Variants in CCDC13 observed in about 807,000 individuals in gnomAD.
CCDC13 encodes the protein coiled-coil domain containing 13, also known as coiled-coil domain-containing protein 13.
CCDC13 carries 70 observed loss-of-function variants against 87.3 expected under a neutral mutation model. The observed-to-expected ratio is 0.80, with a 90% CI of 0.66 to 0.98. The LOEUF is 0.98. CCDC13 is among the 50% of genes least tolerant of loss of function. The pLI, the probability that CCDC13 is intolerant of heterozygous loss-of-function variation, is 0.00. For missense variants in CCDC13, 842 were observed against 892.0 expected (o/e 0.94, Z 0.71); for synonymous variants, 317 against 360.3 (o/e 0.88, Z 1.36).
intron 14 of CCDC13, among the ~76,000 whole-genome samples, chr3:42,712,398 G>A (rs954141776): frequency 1.3e-5 from 2 of 152,084 alleles, no homozygotes; most frequent in African/African-American, 4.8e-5. Flanking sequence ...CCTCCAGCTC[G>A]CCCCAGCCCC....
chr3:42,716,338 T>C (rs17074768), intron 13 of CCDC13, among the ~76,000 whole-genome samples: 2,633 of 152,102 alleles, frequency 0.017, 74 homozygotes, highest in African/African-American at 0.059. Flanking sequence ...TTCCACAATA[T>C]AGAAGAAATA....
At chr3:42,757,967 G>A (rs75030962) in intron 2 of CCDC13, among the ~76,000 whole-genome samples, 158 bp downstream of exon 2, 2,350 of 152,034 alleles carry the variant, frequency 0.015, 40 homozygotes, top group African/African-American at 0.053. Context: ...CACAGAAGCT[G>A]TATCAAAACT....
rs1461483819 is a variant in CCDC13 at position 42,758,097 on chromosome 3, C to A, written c.221+28G>T. 2 of 1,222,044 alleles carry A rather than the reference C, an allele frequency of 1.6e-6. No homozygotes were observed. The highest frequency in any genetic ancestry group is 1.3e-5 in the South Asian group (1 of 78,722). 75.7% of individuals were successfully genotyped at this position (1,222,044 alleles called of 1,614,324 possible). On this transcript the variant is annotated intron_variant, in intron 2 of 15. Coordinates refer to ENST00000310232, the MANE Select transcript of CCDC13 (RefSeq NM_144719.4). The stretch of plus-strand genomic sequence containing the variant: ...CACACACACACACACACACACACAC[C>A]CCTGAGAGATTTCAAACTTGCATTT...
At chr3:42,732,445 A>G in intron 12 of CCDC13, 1 of 179,362 alleles carries the variant, frequency 5.6e-6, no homozygotes, top group South Asian at 1.2e-4. Flanking sequence ...TCCTTTGTCT[A>G]TGGGCTGGCA....
intron 13 of CCDC13, among the ~76,000 whole-genome samples, chr3:42,721,724 G>A (rs1386750435): frequency 1.3e-5 from 2 of 152,322 alleles, no homozygotes; most frequent in African/African-American, 4.8e-5. Flanking sequence ...TTTGCAACAG[G>A]ACACAATTGG....
chr3:42,758,085 A>ACACACACACC (rs1385483095), intron 2 of CCDC13, 40 bp downstream of exon 2: 1 of 1,541,540 alleles, frequency 6.5e-7, no homozygotes, highest in Non-Finnish European at 8.9e-7. Context: ...ACACACACAC[A>ACACACACACC]CACACACACA....
chr3:42,750,421 G>A (rs555183757), intron 5 of CCDC13, among the ~76,000 whole-genome samples: 6 of 152,192 alleles, frequency 3.9e-5, no homozygotes, highest in South Asian at 4.2e-4. Flanking sequence ...TCCTCCTCTG[G>A]GATTCTCCAT....
intron 13 of CCDC13, among the ~76,000 whole-genome samples, chr3:42,717,165 C>T (rs532523054): frequency 3.1e-4 from 47 of 152,278 alleles, no homozygotes; most frequent in African/African-American, 1.0e-3. Flanking sequence ...GTGGCTCATG[C>T]ATGTAATCCC....
intron 13 of CCDC13, among the ~76,000 whole-genome samples, chr3:42,722,433 C>T (rs1698585366): frequency 6.6e-6 from 1 of 152,176 alleles, no homozygotes; most frequent in Admixed American, 6.5e-5. Context: ...GGCTGCATTC[C>T]CAGATGGTTA....
At chr3:42,718,804 C>A (rs1019814044) in intron 13 of CCDC13, among the ~76,000 whole-genome samples, 2 of 152,062 alleles carry the variant, frequency 1.3e-5, no homozygotes, top group Non-Finnish European at 2.9e-5. Flanking sequence ...CTGAGGAGAA[C>A]CCCCCAACCC....
chr3:42,738,895 CTTTA>C (rs1009500487), intron 9 of CCDC13, among the ~76,000 whole-genome samples: 1 of 152,150 alleles, frequency 6.6e-6, no homozygotes, highest in Non-Finnish European at 1.5e-5. Flanking sequence ...TTTGAATACC[CTTTA>C]TTTCTTTCTC....
chr3:42,758,957 G>A (rs900265023), intron 1 of CCDC13, among the ~76,000 whole-genome samples: 1 of 151,964 alleles, frequency 6.6e-6, no homozygotes, highest in African/African-American at 2.4e-5. Flanking sequence ...TATTCTGACC[G>A]CTACCACCTA....
At chr3:42,730,130 A>G (rs1173268154) in intron 13 of CCDC13, among the ~76,000 whole-genome samples, 1 of 152,140 alleles carries the variant, frequency 6.6e-6, no homozygotes, top group Non-Finnish European at 1.5e-5. Flanking sequence ...CAGCAGCACC[A>G]AGCACAGTGC....
Position 42,708,867 on chromosome 3 carries a change from T to G in CCDC13, c.*113A>C. The stretch of plus-strand genomic sequence containing the variant: ...AGGAGCCTCTTCTGGTAGAAGTGGT[T>G]GAGCTGGCTGCCCTGGGCTGGCTTC... On this transcript the variant is annotated 3_prime_UTR_variant, in exon 16 of 16. Coordinates refer to ENST00000310232, the MANE Select transcript of CCDC13 (RefSeq NM_144719.4). The G allele has an allele frequency of 8.0e-6, 9 of 1,129,274 alleles. No individual in the cohort carries two copies. The highest frequency in any genetic ancestry group is 8.6e-6 in the Non-Finnish European group (7 of 814,270). The allele number at this position is 1,129,274 out of a possible 1,614,324, so 70.0% of individuals were successfully genotyped here.
intron 5 of CCDC13, 120 bp from the exon 6 acceptor site, chr3:42,747,493 C>T (rs1006767418): frequency 1.2e-5 from 9 of 730,782 alleles, no homozygotes; most frequent in Admixed American, 2.2e-5. Flanking sequence ...CATGGAAGAA[C>T]TCATTTAATC....
rs1280333490 is a variant in CCDC13 at position 42,732,891 on chromosome 3, G to T, written c.1591C>A (p.Pro531Thr). The T allele has an allele frequency of 8.4e-6, 13 of 1,552,732 alleles. No individual in the cohort carries two copies. The highest frequency in any genetic ancestry group is 1.1e-5 in the Non-Finnish European group (13 of 1,147,464). ...PSLPSPHRTS[P>T]RFSDSPEQKG... ...CCGGGGGTCGGGGGTCCATACCTAG[G>T]TGAGGTCCTGTGGGGACTGGGCAGG... The change falls in exon 12 of 16, where the codon CCT becomes ACT. Residue 531 changes from proline (P) to threonine (T), a missense_variant. By Grantham distance (38) the Pro-to-Thr change is conservative. Transcript: ENST00000310232.
Position 42,757,219 on chromosome 3 carries a change from A to G in CCDC13, c.222-5T>C, listed in dbSNP as rs1699723890. On this transcript the variant is annotated splice_polypyrimidine_tract_variant and splice_region_variant and intron_variant, in intron 2 of 15. Coordinates refer to ENST00000310232, the MANE Select transcript of CCDC13 (RefSeq NM_144719.4). ...TCAATCTCATCTTCAAGCACCCTAC[A>G]AGGCAAAGGCAGAATTAATGCTCCT... 15 of 1,612,054 alleles carry G rather than the reference A, an allele frequency of 9.3e-6. No homozygotes were observed. The highest frequency in any genetic ancestry group is 1.1e-5 in the Non-Finnish European group (13 of 1,179,008).
chr3:42,723,875 G>T (rs190128033), intron 13 of CCDC13, among the ~76,000 whole-genome samples: 1 of 152,014 alleles, frequency 6.6e-6, no homozygotes, highest in Admixed American at 6.5e-5. Context: ...AAAGGAAAAC[G>T]TACTGACATG....
At chr3:42,745,862 C>T in intron 7 of CCDC13, 61 bp downstream of exon 7, 4 of 1,381,880 alleles carry the variant, frequency 2.9e-6, no homozygotes, top group Non-Finnish European at 4.1e-6. Context: ...GTCAGGGCAG[C>T]TCTTTCTGGG....
Sources: gnomAD v4.1 joint callset for allele counts (sites outside exome capture counted in the v4.1 genomes callset) on GRCh38, gnomAD v4.1.1 for gene constraint, MANE v1.5 for transcripts, NCBI Gene and HGNC (gene_info 2026-07-23, HGNC 2026-07-21) for gene names.